Variants in GPI observed in about 807,000 individuals in gnomAD.
The protein encoded by GPI is glucose-6-phosphate isomerase.
In GPI, 56 loss-of-function variants were observed where a neutral mutation model predicts 75.8. That is an observed-to-expected ratio of 0.74 (90% confidence interval 0.60 to 0.92). GPI has a LOEUF of 0.92. GPI is among the 40% of genes least tolerant of loss of function. The pLI is 0.00. For synonymous variants in GPI, 288 were observed against 285.4 expected, an observed-to-expected ratio of 1.01 and a Z score of -0.09; for missense variants, 638 against 741.0, an observed-to-expected ratio of 0.86 and a Z score of 1.61.
At chr19:34,373,201 A>G (rs1370321875) in intron 4 of GPI, among the ~76,000 whole-genome samples, 1 of 151,892 alleles carries the variant, frequency 6.6e-6, no homozygotes, top group Non-Finnish European at 1.5e-5. Flanking sequence ...AGCCTGGCCT[A>G]CATGGCAAAA....
At chr19:34,375,413 G>A (rs2074520475) in intron 4 of GPI, among the ~76,000 whole-genome samples, 1 of 152,072 alleles carries the variant, frequency 6.6e-6, no homozygotes, top group Non-Finnish European at 1.5e-5. Flanking sequence ...CTCCCAAAGT[G>A]CCAGGATTAC....
In GPI at chr19:34,394,043, C is replaced by T. The variant is rs758132799; in HGVS notation, c.1039C>T (p.Arg347Cys). The change falls in exon 12 of 18, where the codon CGC (arginine) becomes TGC (cysteine). Residue 347 changes from arginine (R) to cysteine (C), a missense_variant. Arg to Cys is a radical substitution (Grantham distance 180). Transcript: ENST00000356487. ...AMLPYDQYLH[R>C]FAAYFQQGDM... ...GCTGCCCTATGACCAGTACCTGCAC[C>T]GCTTTGCTGCGTACTTCCAGCAGGT... is the stretch of plus-strand genomic sequence containing the variant. The T allele has an allele frequency of 1.9e-5, 31 of 1,612,304 alleles. No homozygotes were observed. Among genetic ancestry groups the T allele is most frequent in the African/African-American group, 5.3e-5 (4 of 74,910 alleles).
intron 2 of GPI, 29 bp from the exon 3 acceptor site, chr19:34,366,754 G>A (rs201036810): frequency 1.3e-6 from 2 of 1,570,902 alleles, no homozygotes; most frequent in Non-Finnish European, 1.8e-6. Flanking sequence ...GTGTGGGTGG[G>A]ACCAGGCCTC....
Position 34,365,316 on chromosome 19 carries a change from A to G in GPI, c.50A>G (p.Tyr17Cys). ...DPQFQKLQQW[Y>C]REHRSELNLR... Reference sequence around the variant, plus strand: ...CAGTTCCAGAAGCTGCAGCAATGGTACCGCGAGCACCGCTCCGAGCTGAAC... The same window carrying G: ...CAGTTCCAGAAGCTGCAGCAATGGTGCCGCGAGCACCGCTCCGAGCTGAAC... Residue 17 changes from tyrosine (Y) to cysteine (C), a missense_variant, in exon 1 of 18, where the codon TAC becomes TGC. Coordinates refer to ENST00000356487, the MANE Select transcript of GPI (RefSeq NM_000175.5). The G allele has an allele frequency of 6.3e-7, 1 of 1,588,188 alleles. No homozygotes were observed. The highest frequency in any genetic ancestry group is 8.6e-7 in the Non-Finnish European group (1 of 1,169,374).
chr19:34,376,810 G>A (rs2074544076), intron 4 of GPI, among the ~76,000 whole-genome samples: 1 of 152,096 alleles, frequency 6.6e-6, no homozygotes, highest in South Asian at 2.1e-4. Context: ...CACTTTGGGA[G>A]GCCGAGCTGG....
At chr19:34,360,182 C>T (rs1486271095), upstream of GPI, among the ~76,000 whole-genome samples, 3 of 152,262 alleles carry the variant, frequency 2.0e-5, no homozygotes, top group South Asian at 6.2e-4. Context: ...CATGACCCCT[C>T]CCAGCTTCAC....
Position 34,365,406 on chromosome 19 carries a change from G to T in GPI, c.122+18G>T. The T allele has an allele frequency of 6.4e-7, 1 of 1,562,142 alleles. No individual in the cohort carries two copies. Reference sequence around the variant, plus strand: ...CACTTCAGGTGCGGGCGGGCCGGAGGCGGGGGCTGCCACGCGCGGCGCCCG... The same window carrying T: ...CACTTCAGGTGCGGGCGGGCCGGAGTCGGGGGCTGCCACGCGCGGCGCCCG... On this transcript the variant is annotated intron_variant, in intron 1 of 17. Coordinates refer to ENST00000356487, the MANE Select transcript of GPI (RefSeq NM_000175.5).
intron 14 of GPI, 73 bp downstream of exon 14, chr19:34,396,730 A>G (rs2074951542): frequency 1.8e-5 from 21 of 1,171,454 alleles, no homozygotes; most frequent in Non-Finnish European, 1.9e-5. Context: ...AACCTGGTGC[A>G]TTGGTTGGCA....
chr19:34,375,059 C>T (rs1306472533), intron 4 of GPI, among the ~76,000 whole-genome samples: 4 of 151,932 alleles, frequency 2.6e-5, no homozygotes, highest in Admixed American at 1.3e-4. Flanking sequence ...TATGACCACA[C>T]TGTACTTCTG....
intron 3 of GPI, among the ~76,000 whole-genome samples, chr19:34,367,577 C>T (rs2074385926): frequency 6.6e-6 from 1 of 152,158 alleles, no homozygotes; most frequent in South Asian, 2.1e-4. Flanking sequence ...TGAAGCCCTC[C>T]ACCTTAGCAA....
chr19:34,380,920 G>C, intron 8 of GPI: 1 of 222,808 alleles, frequency 4.5e-6, no homozygotes, highest in Non-Finnish European at 9.0e-6. Context: ...CCTCCTATGT[G>C]GAATAGGTAA....
At chr19:34,377,029 G>A (rs1003847613) in intron 4 of GPI, among the ~76,000 whole-genome samples, 2 of 151,726 alleles carry the variant, frequency 1.3e-5, no homozygotes, top group Non-Finnish European at 2.9e-5. Context: ...ATAGCTGGGT[G>A]CGGTGGCTCA....
In GPI at chr19:34,395,991, T is replaced by C. The variant is rs143177805; in HGVS notation, c.1063-310T>C. ...TTTGCTCTTGTTGCCCAGTCTGGAG[T>C]GCAGTGGCATGATCTCGGCTCACCA... On this transcript the variant is annotated intron_variant, in intron 12 of 17. Coordinates refer to ENST00000356487, the MANE Select transcript of GPI (RefSeq NM_000175.5). Among the ~76,000 whole-genome samples, 54 of 150,096 alleles carry C rather than the reference T, an allele frequency of 3.6e-4. No individual in the cohort carries two copies. The East Asian group carries it at 9.9e-3, about 27-fold the overall frequency.
upstream of GPI, among the ~76,000 whole-genome samples, chr19:34,363,551 G>A (rs2074314984): frequency 6.6e-6 from 1 of 152,206 alleles, no homozygotes; most frequent in Non-Finnish European, 1.5e-5. Flanking sequence ...GCCAGGCGCA[G>A]TGGCTCATGC....
rs1251723319 is a variant in GPI at position 34,377,324 on chromosome 19, AAAAAAAAAAAAAATAT to A, written c.403-177_403-162del. On this transcript the variant is annotated intron_variant, in intron 4 of 17. Coordinates refer to ENST00000356487, the MANE Select transcript of GPI (RefSeq NM_000175.5). ...CTCAAAAAAAAAAAAAAAAAAAAAA[AAAAAAAAAAAAAATAT>A]ATATATATATATATATATGGTAAAT... 8.8e-4 allele frequency among the ~76,000 whole-genome samples: 82 copies of A among 92,768 alleles called. 3 individuals carry two copies. The highest frequency in any genetic ancestry group is 4.8e-3 in the South Asian group (11 of 2,286). The allele number at this position is 92,768 out of a possible 152,430, so 60.9% of individuals were successfully genotyped here.
In GPI at chr19:34,400,027, A is replaced by C. The variant is rs2075000298; in HGVS notation, c.1668A>C (p.Arg556Ser). ...INFIKQQREA[R>S]VQ ...TCATCAAGCAGCAGCGCGAGGCCAG[A>C]GTCCAATAAACTCGTGCTCATCTGC... The change falls in exon 18 of 18, where the codon AGA (arginine) becomes AGC (serine). Residue 556 changes from arginine to serine, a missense_variant. Transcript: ENST00000356487. The C allele has an allele frequency of 1.2e-6, 2 of 1,611,948 alleles. No homozygotes were observed. The highest frequency in any genetic ancestry group is 1.7e-6 in the Non-Finnish European group (2 of 1,180,002).
chr19:34,380,576 C>T (rs930476797), intron 8 of GPI, among the ~76,000 whole-genome samples: 1 of 152,246 alleles, frequency 6.6e-6, no homozygotes, highest in Non-Finnish European at 1.5e-5. Context: ...GCCACTGTAC[C>T]CGGCCCACTT....
intron 12 of GPI, among the ~76,000 whole-genome samples, chr19:34,394,782 C>G (rs145407286): frequency 6.6e-6 from 1 of 151,982 alleles, no homozygotes; most frequent in African/African-American, 2.4e-5. Context: ...GGCGCGATCT[C>G]GGCTCATTGC....
chr19:34,396,998 G>A (rs1416960720), intron 14 of GPI, among the ~76,000 whole-genome samples: 1 of 152,096 alleles, frequency 6.6e-6, no homozygotes, highest in Admixed American at 6.6e-5. Context: ...TTTGGTAAAG[G>A]GGGGGTTTCA....
Sources: gnomAD v4.1 joint callset for allele counts (sites outside exome capture counted in the v4.1 genomes callset) on GRCh38, gnomAD v4.1.1 for gene constraint, MANE v1.5 for transcripts, NCBI Gene and HGNC (gene_info 2026-07-23, HGNC 2026-07-21) for gene names.